The following HERPUD1 variants were observed in gnomAD, a reference collection of about 807,000 sequenced individuals.
HERPUD1 encodes the protein homocysteine-responsive endoplasmic reticulum-resident ubiquitin-like domain member 1 protein.
In HERPUD1, 17 loss-of-function variants were observed where a neutral mutation model predicts 45.0. The ratio of observed to expected loss-of-function variants is 0.38; its 90% confidence interval spans 0.26 to 0.57. The LOEUF is 0.57. Among genes scored for constraint, HERPUD1 ranks in the 20% least tolerant of loss-of-function variants. HERPUD1 has a pLI of 0.72. For missense variants in HERPUD1, 420 were observed against 490.5 expected (o/e 0.86, Z 1.36); for synonymous variants, 164 against 177.5 (o/e 0.92, Z 0.61).
Position 56,936,755 on chromosome 16 carries a change from T to C in HERPUD1, c.369T>C (p.Asp123=). ...RGQYPEDSSS[D]GLRQREVLRN... is the part of the protein sequence containing the mutation. The stretch of plus-strand genomic sequence containing the variant: ...AGTATCCTGAGGATTCCTCAAGTGA[T>C]GGTTTAAGGCAAAGGGAAGTTCTTC... Residue 123 remains aspartate, a synonymous_variant, in exon 4 of 8, where the codon GAT becomes GAC. Coordinates refer to ENST00000439977, the MANE Select transcript of HERPUD1 (RefSeq NM_014685.4). 5.0e-6 allele frequency: 8 copies of C among 1,614,114 alleles called. No homozygotes were observed. The highest frequency in any genetic ancestry group is 6.8e-6 in the Non-Finnish European group (8 of 1,179,964).
At chr16:56,942,330 A>G (rs1485899988) in intron 7 of HERPUD1, 93 bp downstream of exon 7, 8 of 762,286 alleles carry the variant, frequency 1.0e-5, no homozygotes, top group African/African-American at 7.0e-5. Flanking sequence ...GCGGTTTACC[A>G]TTTTATTGGG....
rs559903569 is a variant in HERPUD1, at chr16:56,941,982, G to A, written c.906-150G>A. On this transcript the variant is annotated intron_variant, in intron 6 of 7. Transcript: ENST00000439977. ...ACCTTACAGACTGGTGAGAATGTCT[G>A]GGAGACAGTGTGATCAAATGCCTCT... 1.7e-5 allele frequency: 11 copies of A among 635,478 alleles called. No homozygotes were observed. In the East Asian group the frequency reaches 2.6e-4, roughly 15 times the overall value. 39.4% of individuals were successfully genotyped at this position (635,478 alleles called of 1,614,324 possible). A position where few individuals can be genotyped will look rare whatever the true frequency, so the allele number is the denominator to read the frequency against.
intron 6 of HERPUD1, chr16:56,940,473 AT>A: frequency 2.1e-6 from 1 of 474,954 alleles, no homozygotes. Flanking sequence ...TGCCTGGCTA[AT>A]TTTTATATTT....
intron 6 of HERPUD1, chr16:56,941,610 A>C: frequency 6.6e-6 from 1 of 152,252 alleles, no homozygotes. Context: ...TAAAAATAAA[A>C]AAGGAATAAT....
rs1393976485 is a variant in HERPUD1 at position 56,943,284 on chromosome 16, A to T, written c.1170A>T (p.Ala390=). 18 of 1,614,064 alleles carry T rather than the reference A, an allele frequency of 1.1e-5. No individual in the cohort carries two copies. The highest frequency in any genetic ancestry group is 1.4e-5 in the Non-Finnish European group (17 of 1,180,028). The change falls in exon 8 of 8, where the codon GCA becomes GCT. Residue 390 remains alanine (A), a synonymous_variant. Transcript: ENST00000439977. ...TTCCAGAAGGCCCCCCAGCCATCGC[A>T]AACTGATGGTGTTTGTGCTGTAGCT... ...SLLPEGPPAI[A]N
At chr16:56,934,773 A>G (rs1012428416) in intron 1 of HERPUD1, among the ~76,000 whole-genome samples, 1 of 130,392 alleles carries the variant, frequency 7.7e-6, no homozygotes, top group Admixed American at 9.7e-5. Flanking sequence ...GTGCAGTGAC[A>G]TGATCTTGGC....
At chr16:56,942,927 C>G (rs1442104351) in intron 7 of HERPUD1, among the ~76,000 whole-genome samples, 199 bp from the exon 8 acceptor site, 1 of 152,176 alleles carries the variant, frequency 6.6e-6, no homozygotes, top group African/African-American at 2.4e-5. Flanking sequence ...ACAACATCAA[C>G]ACAGTTGTGC....
rs2055935698 is a variant in HERPUD1, at chr16:56,944,458, T to A, written c.*1168T>A. ...GGTAACTAATCATTTTTTTGTTTTTTTTGGTGGTGTTTTTGTTTTTGTTTT... is the reference window on the plus strand; with the variant it reads ...GGTAACTAATCATTTTTTTGTTTTTATTGGTGGTGTTTTTGTTTTTGTTTT... On this transcript the variant is annotated 3_prime_UTR_variant, in exon 8 of 8. Coordinates refer to ENST00000439977, the MANE Select transcript of HERPUD1 (RefSeq NM_014685.4). 6.6e-6 allele frequency: 1 copy of A among 152,188 alleles called. No individual in the cohort carries two copies. Among genetic ancestry groups the A allele is most frequent in the African/African-American group, 2.4e-5 (1 of 41,438 alleles). 9.4% of individuals were successfully genotyped at this position (152,188 alleles called of 1,614,324 possible). A position where few individuals can be genotyped will look rare whatever the true frequency, so the allele number is the denominator to read the frequency against.
chr16:56,937,782 C>A (rs1480364252), intron 4 of HERPUD1, among the ~76,000 whole-genome samples: 1 of 150,676 alleles, frequency 6.6e-6, no homozygotes, highest in African/African-American at 2.5e-5. Context: ...CATTTTATTT[C>A]CATGCACTGT....
intron 1 of HERPUD1, among the ~76,000 whole-genome samples, chr16:56,934,284 G>A (rs2055848125): frequency 1.3e-5 from 2 of 152,202 alleles, no homozygotes; most frequent in Admixed American, 6.5e-5. Context: ...ATAAAAGAGT[G>A]TGCAGTCCCT....
chr16:56,939,177 G>A (rs1292490048), intron 4 of HERPUD1, 60 bp from the exon 5 acceptor site: 7 of 1,547,278 alleles, frequency 4.5e-6, no homozygotes, highest in Non-Finnish European at 6.2e-6. Context: ...TTTAAACTTA[G>A]TTTTCATTTG....
rs1347684599 is a variant in HERPUD1 at position 56,935,226 on chromosome 16, C to T, written c.148-9C>T. 1 of 1,606,518 alleles carries T rather than the reference C, an allele frequency of 6.2e-7. No homozygotes were observed. The highest frequency in any genetic ancestry group is 8.5e-7 in the Non-Finnish European group (1 of 1,173,186). On this transcript the variant is annotated splice_polypyrimidine_tract_variant and intron_variant, in intron 1 of 7. Coordinates refer to ENST00000439977, the MANE Select transcript of HERPUD1 (RefSeq NM_014685.4). ...GCTGACCTGTGTTACTCTTTCTTTCCATGATCAGCGTCCAGAGGACCAGAG... is the reference window on the plus strand; with the variant it reads ...GCTGACCTGTGTTACTCTTTCTTTCTATGATCAGCGTCCAGAGGACCAGAG...
At chr16:56,938,287 G>A (rs2055881178) in intron 4 of HERPUD1, among the ~76,000 whole-genome samples, 1 of 152,028 alleles carries the variant, frequency 6.6e-6, no homozygotes, top group Non-Finnish European at 1.5e-5. Flanking sequence ...CATTTGGCCG[G>A]GCGCGGTGGC....
Position 56,940,174 on chromosome 16 carries a change from C to T in HERPUD1, c.834C>T (p.Leu278=), listed in dbSNP as rs1348270618. 1 of 1,614,084 alleles carries T rather than the reference C, an allele frequency of 6.2e-7. No individual in the cohort carries two copies. The highest frequency in any genetic ancestry group is 1.7e-5 in the Admixed American group (1 of 60,006). ...TYSAATFSVF[L]SILYFYSSLS... ...CAGCAGCTACATTTTCTGTTTTTCT[C>T]AGTATCCTCTACTTCTACTCCTCCC... Residue 278 remains leucine, a synonymous_variant, in exon 6 of 8, where the codon CTC becomes CTT. Coordinates refer to ENST00000439977, the MANE Select transcript of HERPUD1 (RefSeq NM_014685.4).
chr16:56,938,224 C>T (rs1247107828), intron 4 of HERPUD1, among the ~76,000 whole-genome samples: 2 of 152,156 alleles, frequency 1.3e-5, no homozygotes, highest in African/African-American at 2.4e-5. Flanking sequence ...AGATGACTCG[C>T]ATACACCTGC....
chr16:56,940,454 C>T (rs995384926), intron 6 of HERPUD1: 6 of 521,188 alleles, frequency 1.2e-5, no homozygotes, highest in African/African-American at 9.6e-5. Flanking sequence ...TTACAGGCGC[C>T]CACCACCATG....
intron 4 of HERPUD1, 89 bp from the exon 5 acceptor site, chr16:56,939,148 T>C: frequency 7.0e-7 from 1 of 1,435,756 alleles, no homozygotes; most frequent in Non-Finnish European, 9.6e-7. Context: ...GTCTCTTCGA[T>C]TTGAATTCTT....
intron 1 of HERPUD1, chr16:56,933,199 A>C (rs1426015938): frequency 2.2e-6 from 1 of 450,874 alleles, no homozygotes; most frequent in African/African-American, 2.0e-5. Context: ...CACGAGCATA[A>C]TTCTTCATCA....
chr16:56,934,268 A>G (rs1300587686), intron 1 of HERPUD1, among the ~76,000 whole-genome samples: 2 of 152,170 alleles, frequency 1.3e-5, no homozygotes, highest in Non-Finnish European at 2.9e-5. Flanking sequence ...TAAAAATGAG[A>G]TTTGTATAAA....
Sources: gnomAD v4.1 joint callset for allele counts (sites outside exome capture counted in the v4.1 genomes callset) on GRCh38, gnomAD v4.1.1 for gene constraint, MANE v1.5 for transcripts, NCBI Gene and HGNC (gene_info 2026-07-23, HGNC 2026-07-21) for gene names.